The following KIF13B variants were observed in gnomAD, a reference collection of about 807,000 sequenced individuals.
KIF13B encodes the protein kinesin-like protein KIF13B.
Under a neutral mutation model 222.0 loss-of-function variants are expected in KIF13B, and 127 were observed. That is an observed-to-expected ratio of 0.57 (90% CI 0.50 to 0.66). The LOEUF is 0.66. Ranked by LOEUF, KIF13B falls within the 30% of genes least tolerant of loss-of-function variation. The pLI, the probability that KIF13B is intolerant of heterozygous loss-of-function variation, is 0.00. For missense variants in KIF13B, 2,173 were observed against 2,379.0 expected, an observed-to-expected ratio of 0.91 and a Z score of 1.80; for synonymous variants, 976 against 919.0, an observed-to-expected ratio of 1.06 and a Z score of -1.12.
chr8:29,228,115 T>C (rs1815107546), intron 2 of KIF13B, among the ~76,000 whole-genome samples: 1 of 151,842 alleles, frequency 6.6e-6, no homozygotes, highest in Non-Finnish European at 1.5e-5. Flanking sequence ...AAAGAAATGT[T>C]AGAAATAATT....
At position 29,142,315 on chromosome 8, in the gene KIF13B, G is replaced by A; in HGVS notation, c.2188-12C>T. On this transcript the variant is annotated splice_polypyrimidine_tract_variant and intron_variant, in intron 18 of 39. Transcript: ENST00000524189. ...AGAAGAGAGCCTCGCTGCAAAGAGA[G>A]TAAGAATGACCGTGAGAAACACACA... 2 of 1,606,242 alleles carry A rather than the reference G, an allele frequency of 1.2e-6. No individual in the cohort carries two copies. Among genetic ancestry groups the A allele is most frequent in the Middle Eastern group, 1.7e-4 (1 of 6,048 alleles).
chr8:29,181,452 AC>A (rs1275326919), intron 7 of KIF13B, among the ~76,000 whole-genome samples: 1 of 152,244 alleles, frequency 6.6e-6, no homozygotes, highest in East Asian at 1.9e-4. Context: ...TAACTCTGAT[AC>A]ATTTTTTTAA....
intron 2 of KIF13B, among the ~76,000 whole-genome samples, chr8:29,241,434 T>C (rs1272002556): frequency 6.6e-6 from 1 of 152,194 alleles, no homozygotes; most frequent in African/African-American, 2.4e-5. Flanking sequence ...ACCAGGGACA[T>C]CTATTTGGTT....
intron 37 of KIF13B, among the ~76,000 whole-genome samples, chr8:29,092,383 G>GA (rs1305802378): frequency 6.6e-6 from 1 of 152,070 alleles, no homozygotes; most frequent in Non-Finnish European, 1.5e-5. Flanking sequence ...AAAATTGTTT[G>GA]AAAAAACAAA....
At chr8:29,227,192 A>G (rs1326875541) in intron 2 of KIF13B, among the ~76,000 whole-genome samples, 1 of 152,228 alleles carries the variant, frequency 6.6e-6, no homozygotes, top group East Asian at 1.9e-4. Flanking sequence ...ACTTATTTCA[A>G]TTATAGTCAA....
chr8:29,256,735 T>C (rs574272981), intron 1 of KIF13B, among the ~76,000 whole-genome samples: 1 of 149,742 alleles, frequency 6.7e-6, no homozygotes, highest in African/African-American at 2.5e-5. Context: ...ATAGAAATGC[T>C]ACAATTACTA....
intron 2 of KIF13B, among the ~76,000 whole-genome samples, chr8:29,218,482 C>T (rs1026592029): frequency 6.6e-6 from 1 of 152,150 alleles, no homozygotes; most frequent in Non-Finnish European, 1.5e-5. Context: ...TAAAAAGAGA[C>T]AGAAGATGTT....
At chr8:29,103,832 C>A (rs1808916639) in intron 35 of KIF13B, among the ~76,000 whole-genome samples, 1 of 152,122 alleles carries the variant, frequency 6.6e-6, no homozygotes, top group South Asian at 2.1e-4. Context: ...CCCCAAGGAA[C>A]CAAGAACGAA....
At chr8:29,095,009 G>A (rs1734680576) in intron 36 of KIF13B, among the ~76,000 whole-genome samples, 1 of 151,026 alleles carries the variant, frequency 6.6e-6, no homozygotes, top group South Asian at 2.1e-4. Flanking sequence ...TGACCTGTAG[G>A]ACAATATTAA....
rs553542625 is a variant in KIF13B, at chr8:29,070,775, G to A, written c.5219-9C>T. 2.8e-5 allele frequency: 44 copies of A among 1,585,264 alleles called. No individual in the cohort carries two copies. In the South Asian group the frequency reaches 4.3e-4, roughly 15 times the overall value. Reference sequence around the variant, plus strand: ...GGAACCGTCATTCTTACCTGCGGGGGAAGGAGAGGGTGATATGGAGGGCAG... The same window carrying A: ...GGAACCGTCATTCTTACCTGCGGGGAAAGGAGAGGGTGATATGGAGGGCAG... On this transcript the variant is annotated splice_polypyrimidine_tract_variant and intron_variant, in intron 39 of 39. Transcript: ENST00000524189. The surrounding 1 kb of genome is among the most constrained non-coding windows in gnomAD (Gnocchi z 4.1).
chr8:29,196,583 C>T (rs1330235762), intron 2 of KIF13B, among the ~76,000 whole-genome samples: 1 of 152,078 alleles, frequency 6.6e-6, no homozygotes, highest in South Asian at 2.1e-4. Flanking sequence ...GTTTTCTCTG[C>T]TTTGAAAAAG....
At chr8:29,103,400 G>A (rs1019483537) in intron 35 of KIF13B, among the ~76,000 whole-genome samples, 2 of 152,066 alleles carry the variant, frequency 1.3e-5, no homozygotes, top group Non-Finnish European at 2.9e-5. Context: ...AACTTCAGCC[G>A]GTCTTGGCAG....
intron 16 of KIF13B, 129 bp downstream of exon 16, chr8:29,148,448 A>C (rs1811156583): frequency 1.9e-6 from 1 of 513,754 alleles, no homozygotes; most frequent in African/African-American, 2.0e-5. Context: ...GCCCAGGCTA[A>C]AGAGCAGTGG....
At chr8:29,241,318 G>A (rs187646874) in intron 2 of KIF13B, among the ~76,000 whole-genome samples, 86 of 152,294 alleles carry the variant, frequency 5.6e-4, no homozygotes, top group Middle Eastern at 3.4e-3. Context: ...TAGTGGTGCA[G>A]GTTGCACAAT....
intron 2 of KIF13B, among the ~76,000 whole-genome samples, chr8:29,223,982 C>T (rs372485480): frequency 6.6e-6 from 1 of 151,272 alleles, no homozygotes; most frequent in African/African-American, 2.4e-5. Flanking sequence ...TGAGCCACGG[C>T]GCCCAGCCTA....
chr8:29,186,534 T>C, intron 5 of KIF13B, 62 bp from the exon 6 acceptor site: 1 of 1,377,046 alleles, frequency 7.3e-7, no homozygotes, highest in South Asian at 1.4e-5. Flanking sequence ...ATAACCCTCT[T>C]TCCGTTGCTC....
At chr8:29,170,312 T>G (rs1269668883) in intron 10 of KIF13B, among the ~76,000 whole-genome samples, 1 of 152,196 alleles carries the variant, frequency 6.6e-6, no homozygotes, top group Non-Finnish European at 1.5e-5. Context: ...GATGAGAAAG[T>G]GAGACCCAGG....
intron 37 of KIF13B, among the ~76,000 whole-genome samples, chr8:29,077,939 T>C (rs1807637092): frequency 6.6e-6 from 1 of 151,788 alleles, no homozygotes; most frequent in South Asian, 2.1e-4. Flanking sequence ...GGGGAACACA[T>C]AAGCAAATCA....
intron 35 of KIF13B, among the ~76,000 whole-genome samples, chr8:29,106,907 G>A (rs1809099003): frequency 2.0e-5 from 3 of 152,094 alleles, no homozygotes; most frequent in South Asian, 4.1e-4. Context: ...CTCCTCAAGG[G>A]CTGCAAATCA....
Sources: allele counts gnomAD v4.1 joint callset (sites outside exome capture counted in the v4.1 genomes callset), GRCh38; gene constraint gnomAD v4.1.1; non-coding constraint Gnocchi (gnomAD v3.1); transcripts MANE v1.5; gene names NCBI Gene and HGNC (gene_info 2026-07-23, HGNC 2026-07-21).